CDH13: variants seen among roughly 807,000 people sequenced by gnomAD.
The protein encoded by CDH13 is cadherin 13, also known as cadherin-13.
Under a neutral mutation model 63.8 loss-of-function variants are expected in CDH13, and 24 were observed. The observed-to-expected ratio is 0.38, with a 90% CI of 0.27 to 0.53. The LOEUF is 0.53. Among genes scored for constraint, CDH13 ranks in the 20% least tolerant of loss-of-function variants. CDH13 has a pLI of 0.85. For synonymous variants in CDH13, 503 were observed against 355.3 expected (o/e 1.42, Z -4.67); for missense variants, 1,049 against 903.1 (o/e 1.16, Z -2.07).
intron 6 of CDH13, among the ~76,000 whole-genome samples, chr16:83,358,513 C>A (rs1039725712): frequency 2.6e-5 from 4 of 152,170 alleles, no homozygotes; most frequent in African/African-American, 9.7e-5. Context: ...GAATTATGAA[C>A]TTCTGTCTTA....
At chr16:82,660,867 CA>C (rs767899083) in intron 1 of CDH13, among the ~76,000 whole-genome samples, 1 of 151,192 alleles carries the variant, frequency 6.6e-6, no homozygotes, top group Non-Finnish European at 1.5e-5. Flanking sequence ...TGGATGTTAA[CA>C]AAGATGTAAA....
intron 3 of CDH13, among the ~76,000 whole-genome samples, chr16:83,052,629 A>C (rs1254736729): frequency 6.6e-6 from 1 of 151,948 alleles, no homozygotes; most frequent in Admixed American, 6.6e-5. Context: ...AAAATACAAA[A>C]ATTAGCCAGG....
chr16:82,772,948 C>T (rs138562986), intron 1 of CDH13, among the ~76,000 whole-genome samples: 12 of 152,214 alleles, frequency 7.9e-5, no homozygotes, highest in South Asian at 4.1e-4. Context: ...CCTAATTTTA[C>T]GTGATTATAG....
At chr16:83,725,902 A>G (rs1245542940) in intron 10 of CDH13, 1 of 152,206 alleles carries the variant, frequency 6.6e-6, no homozygotes, top group East Asian at 1.9e-4. Flanking sequence ...TATTGTACAA[A>G]TCCTGCATTT....
At chr16:83,428,976 G>A (rs1308134449) in intron 6 of CDH13, among the ~76,000 whole-genome samples, 1 of 152,160 alleles carries the variant, frequency 6.6e-6, no homozygotes, top group Non-Finnish European at 1.5e-5. Flanking sequence ...CCCTGTCAAG[G>A]GGCACAAATA....
chr16:83,179,502 A>AAAAAAAAT (rs10528855), intron 4 of CDH13, among the ~76,000 whole-genome samples: 1 of 149,080 alleles, frequency 6.7e-6, no homozygotes. Context: ...AAAAAAAAAA[A>AAAAAAAAT]TTAGCCGGGC....
intron 5 of CDH13, among the ~76,000 whole-genome samples, chr16:83,285,414 C>T (rs184243344): frequency 6.6e-5 from 10 of 151,922 alleles, no homozygotes; most frequent in Non-Finnish European, 1.0e-4. Context: ...TGACTGCCTG[C>T]AGTTGATTTG....
At chr16:83,698,339 G>C (rs552675551) in intron 10 of CDH13, among the ~76,000 whole-genome samples, 30 of 152,288 alleles carry the variant, frequency 2.0e-4, no homozygotes, top group Non-Finnish European at 4.0e-4. Flanking sequence ...CACTTCCTTG[G>C]TTTGGGCCTC....
chr16:82,824,644 C>G (rs866833964), intron 1 of CDH13: 1 of 152,104 alleles, frequency 6.6e-6, no homozygotes, highest in Non-Finnish European at 1.5e-5. Context: ...TTAAATGACA[C>G]CACAGAGATG....
intron 5 of CDH13, among the ~76,000 whole-genome samples, chr16:83,267,825 A>G (rs2151842347): frequency 6.6e-6 from 1 of 152,214 alleles, no homozygotes; most frequent in East Asian, 1.9e-4. Context: ...TTATGTTGTC[A>G]TAGCATAAAA....
chr16:83,621,685 C>T (rs1034019966), intron 8 of CDH13, among the ~76,000 whole-genome samples: 1 of 151,774 alleles, frequency 6.6e-6, no homozygotes, highest in Non-Finnish European at 1.5e-5. Context: ...CGAGGTTTCA[C>T]CATGTTGGCC....
chr16:83,643,597 C>T (rs1488167144), intron 8 of CDH13, among the ~76,000 whole-genome samples: 1 of 151,828 alleles, frequency 6.6e-6, no homozygotes, highest in Admixed American at 6.6e-5. Flanking sequence ...TTATTGTTCC[C>T]CCTTCAGCTT....
chr16:82,801,003 T>C (rs2036829378), intron 1 of CDH13, among the ~76,000 whole-genome samples: 1 of 152,216 alleles, frequency 6.6e-6, no homozygotes, highest in South Asian at 2.1e-4. Context: ...AAAGCAGCAT[T>C]AAGTTCTTGT....
At chr16:82,794,153 A>AT (rs1224790820) in intron 1 of CDH13, among the ~76,000 whole-genome samples, 6 of 150,264 alleles carry the variant, frequency 4.0e-5, no homozygotes, top group African/African-American at 1.5e-4. Flanking sequence ...AGGTTATGAA[A>AT]TTTTTTTGCA....
chr16:82,931,506 TC>T (rs1174261461), intron 2 of CDH13, among the ~76,000 whole-genome samples: 2 of 126,010 alleles, frequency 1.6e-5, no homozygotes, highest in African/African-American at 7.1e-5. Flanking sequence ...GACCTTGAGG[TC>T]CCCCCCTTTT....
chr16:82,706,424 G>C (rs556530341), intron 1 of CDH13, among the ~76,000 whole-genome samples: 1 of 152,176 alleles, frequency 6.6e-6, no homozygotes, highest in South Asian at 2.1e-4. Flanking sequence ...CTCAGCAGCC[G>C]TTTCATGCCA....
chr16:83,148,099 G>A (rs1056716571), intron 4 of CDH13, among the ~76,000 whole-genome samples: 12 of 152,240 alleles, frequency 7.9e-5, no homozygotes, highest in South Asian at 6.2e-4. Flanking sequence ...CACCACGCCT[G>A]GCTAATTTTT....
intron 4 of CDH13, among the ~76,000 whole-genome samples, chr16:83,135,414 C>G (rs1472440925): frequency 6.6e-6 from 1 of 152,194 alleles, no homozygotes; most frequent in Non-Finnish European, 1.5e-5. Flanking sequence ...CATAAGTACC[C>G]TCAGAAATCA....
At chr16:83,043,929 T>G (rs1159412029) in intron 3 of CDH13, among the ~76,000 whole-genome samples, 1 of 152,224 alleles carries the variant, frequency 6.6e-6, no homozygotes, top group Non-Finnish European at 1.5e-5. Context: ...TATTTTATGC[T>G]TAAGGCACAT....
Sources: gnomAD v4.1 joint callset for allele counts (sites outside exome capture counted in the v4.1 genomes callset) on GRCh38, gnomAD v4.1.1 for gene constraint, MANE v1.5 for transcripts, NCBI Gene and HGNC (gene_info 2026-07-23, HGNC 2026-07-21) for gene names.